The following RAB3D variants were observed in gnomAD, a reference collection of about 807,000 sequenced individuals.
RAB3D encodes the protein RAB3D, member RAS oncogene family, also known as ras-related protein Rab-3D.
In RAB3D, 17 loss-of-function variants were observed where a neutral mutation model predicts 19.3. The observed-to-expected ratio is 0.88, with a 90% confidence interval of 0.60 to 1.32. RAB3D has a LOEUF of 1.32. Ranked by LOEUF, RAB3D falls within the 40% of genes most tolerant of loss-of-function variation. RAB3D has a pLI of 0.00. For missense variants in RAB3D, 223 were observed against 299.1 expected, an observed-to-expected ratio of 0.75 and a Z score of 1.88; for synonymous variants, 103 against 119.9, an observed-to-expected ratio of 0.86 and a Z score of 0.92.
intron 1 of RAB3D, among the ~76,000 whole-genome samples, chr19:11,337,961 C>A (rs1199666308): frequency 6.6e-6 from 1 of 152,156 alleles, no homozygotes; most frequent in Admixed American, 6.6e-5. Context: ...GCATGAGCCA[C>A]CACGCCCGAC....
chr19:11,337,336 T>C lies in RAB3D; in HGVS notation c.64A>G (p.Met22Val), dbSNP rs1966905484. 1 of 1,614,134 alleles carries C rather than the reference T, an allele frequency of 6.2e-7. No individual in the cohort carries two copies. Among genetic ancestry groups the C allele is most frequent in the Non-Finnish European group, 8.5e-7 (1 of 1,180,022 alleles). Residue 22 changes from methionine to valine, a missense_variant, in exon 2 of 5, where the codon ATG (methionine) becomes GTG (valine). By Grantham distance (21) the Met-to-Val change is conservative (BLOSUM62 1). Transcript: ENST00000222120. ...RDAADQNFDY[M>V]FKLLLIGNSS... is the part of the protein sequence containing the mutation. ...TTGCCTATCAGTAGCAGTTTGAACA[T>C]ATAGTCGAAGTTCTGATCTGCTGCA...
chr19:11,335,159 C>T (rs2080847842), intron 4 of RAB3D, among the ~76,000 whole-genome samples: 1 of 152,218 alleles, frequency 6.6e-6, no homozygotes, highest in Non-Finnish European at 1.5e-5. Context: ...TTCACTCCTA[C>T]TAATACTACT....
Position 11,322,502 on chromosome 19 carries a change from G to A in RAB3D, c.*2896C>T, listed in dbSNP as rs1299054074. 6.6e-6 allele frequency: 1 copy of A among 152,174 alleles called. No homozygotes were observed. Among genetic ancestry groups the A allele is most frequent in the African/African-American group, 2.4e-5 (1 of 41,442 alleles). 9.4% of individuals were successfully genotyped at this position (152,174 alleles called of 1,614,324 possible). ...TGGTCCTGACCAATCCCCTGGAGCT[G>A]GAGAGGGGTTTTCCCACGGCCTTTG... On this transcript the variant is annotated 3_prime_UTR_variant, in exon 5 of 5. Coordinates refer to ENST00000222120, the MANE Select transcript of RAB3D (RefSeq NM_004283.4).
At chr19:11,331,454 C>T (rs1418660524) in intron 4 of RAB3D, among the ~76,000 whole-genome samples, 1 of 151,460 alleles carries the variant, frequency 6.6e-6, no homozygotes, top group Non-Finnish European at 1.5e-5. Context: ...TGCCTGTAAT[C>T]CCAGCACTTT....
chr19:11,338,353 G>A (rs1367037916), intron 1 of RAB3D, among the ~76,000 whole-genome samples: 2 of 152,182 alleles, frequency 1.3e-5, no homozygotes, highest in South Asian at 2.1e-4. Flanking sequence ...TCGCCCCAGC[G>A]TGTGCAGCCG....
intron 4 of RAB3D, among the ~76,000 whole-genome samples, chr19:11,325,924 A>T (rs1377755584): frequency 1.3e-5 from 2 of 152,000 alleles, no homozygotes; most frequent in South Asian, 2.1e-4. Context: ...AAATTTTTTT[A>T]AAAAGTAGAT....
chr19:11,331,399 T>C (rs1353467706), intron 4 of RAB3D, among the ~76,000 whole-genome samples: 1 of 151,812 alleles, frequency 6.6e-6, no homozygotes, highest in Admixed American at 6.6e-5. Flanking sequence ...ATTATTTTTT[T>C]TCAACCACTT....
intron 1 of RAB3D, 65 bp from the exon 2 acceptor site, chr19:11,337,525 G>C: frequency 1.3e-6 from 1 of 757,590 alleles, no homozygotes; most frequent in Non-Finnish European, 2.2e-6. Context: ...TCAAATCTCA[G>C]CTCGGTCACT....
intron 4 of RAB3D, among the ~76,000 whole-genome samples, chr19:11,328,207 A>G (rs1048830988): frequency 6.6e-6 from 1 of 151,512 alleles, no homozygotes; most frequent in African/African-American, 2.4e-5. Context: ...GGTGGTGCAC[A>G]CCTGTGATCC....
At chr19:11,329,168 T>G (rs1341478261) in intron 4 of RAB3D, among the ~76,000 whole-genome samples, 2 of 151,962 alleles carry the variant, frequency 1.3e-5, no homozygotes, top group Non-Finnish European at 2.9e-5. Context: ...ATCCTCTGCC[T>G]TGACCTCCCA....
Position 11,335,521 on chromosome 19 carries a change from A to C in RAB3D, c.398T>G (p.Val133Gly), listed in dbSNP as rs201133854. 1 of 1,614,126 alleles carries C rather than the reference A, an allele frequency of 6.2e-7. No homozygotes were observed. The highest frequency in any genetic ancestry group is 2.2e-5 in the East Asian group (1 of 44,872). The change falls in exon 4 of 5, where the codon GTG becomes GGG. Residue 133 changes from valine to glycine, a missense_variant. By Grantham distance (109) the Val-to-Gly change is moderately radical (BLOSUM62 -3). Transcript: ENST00000222120. Reference protein sequence around the residue: ...YSWDNAQVILVGNKCDLEDER... With the variant: ...YSWDNAQVILGGNKCDLEDER... Reference sequence around the variant, plus strand: ...GTCCTCCAGGTCACACTTGTTCCCCACCAGGATGACCTGGGCGTTGTCCCA... The same window carrying C: ...GTCCTCCAGGTCACACTTGTTCCCCCCCAGGATGACCTGGGCGTTGTCCCA...
rs955550305 is a variant in RAB3D, at chr19:11,322,105, G to C, written c.*3293C>G. On this transcript the variant is annotated 3_prime_UTR_variant, in exon 5 of 5. Transcript: ENST00000222120. ...GGATTTAAGTTTTTCTTGTTGAGAA[G>C]AGTACATCTTTCCAAACTGGACATC... is the stretch of plus-strand genomic sequence containing the variant. 2 of 152,152 alleles carry C rather than the reference G, an allele frequency of 1.3e-5. No homozygotes were observed. The highest frequency in any genetic ancestry group is 4.8e-5 in the African/African-American group (2 of 41,418). 9.4% of individuals were successfully genotyped at this position (152,152 alleles called of 1,614,324 possible).
At chr19:11,325,726 C>T (rs2080808847) in intron 4 of RAB3D, 141 bp from the exon 5 acceptor site, 3 of 723,508 alleles carry the variant, frequency 4.1e-6, no homozygotes, top group Non-Finnish European at 6.7e-6. Flanking sequence ...TTTGCCACTC[C>T]AAGCCTCAGT....
At chr19:11,336,148 T>C (rs1966893737) in intron 2 of RAB3D, among the ~76,000 whole-genome samples, 1 of 152,254 alleles carries the variant, frequency 6.6e-6, no homozygotes, top group African/African-American at 2.4e-5. Flanking sequence ...ACCTTGGTAC[T>C]CTTGCTACCA....
At chr19:11,335,176 C>T (rs1162853847) in intron 4 of RAB3D, among the ~76,000 whole-genome samples, 2 of 152,242 alleles carry the variant, frequency 1.3e-5, no homozygotes, top group African/African-American at 2.4e-5. Flanking sequence ...TACTACTACA[C>T]TCCACACACC....
At position 11,335,575 on chromosome 19, in the gene RAB3D, C is replaced by A. The variant is rs1424653022; in HGVS notation, c.348-4G>T. The A allele has an allele frequency of 1.9e-6, 3 of 1,613,904 alleles. No individual in the cohort carries two copies. The highest frequency in any genetic ancestry group is 2.5e-6 in the Non-Finnish European group (3 of 1,179,952). The stretch of plus-strand genomic sequence containing the variant: ...GTAGGTCTTGATTTGCGTGGCCCTG[C>A]AGAGTTACCAGTGGTGAGCCATGAG... On this transcript the variant is annotated splice_region_variant and splice_polypyrimidine_tract_variant and intron_variant, in intron 3 of 4. Coordinates refer to ENST00000222120, the MANE Select transcript of RAB3D (RefSeq NM_004283.4).
chr19:11,333,191 T>A (rs1392984633), intron 4 of RAB3D, among the ~76,000 whole-genome samples: 1 of 151,880 alleles, frequency 6.6e-6, no homozygotes. Context: ...ACCATTCTCT[T>A]GCCTCAGCCT....
chr19:11,331,034 T>TA (rs1568300549), intron 4 of RAB3D, among the ~76,000 whole-genome samples: 1 of 149,768 alleles, frequency 6.7e-6, no homozygotes, highest in Admixed American at 6.7e-5. Flanking sequence ...AAAAAAAATT[T>TA]AAAAAATAAA....
intron 4 of RAB3D, among the ~76,000 whole-genome samples, chr19:11,328,333 C>CAAAAAA (rs71164187): frequency 0.071 from 4,065 of 57,534 alleles, 241 homozygotes; most frequent in African/African-American, 0.15. Context: ...GATATTATCT[C>CAAAAAA]AAAAAAAAAA....
Sources: gnomAD v4.1 joint callset for allele counts (sites outside exome capture counted in the v4.1 genomes callset) on GRCh38, gnomAD v4.1.1 for gene constraint, MANE v1.5 for transcripts, NCBI Gene and HGNC (gene_info 2026-07-23, HGNC 2026-07-21) for gene names.